The following CACNA2D1 variants were observed in gnomAD, a reference collection of about 807,000 sequenced individuals.
The protein encoded by CACNA2D1 is voltage-dependent calcium channel subunit alpha-2/delta-1.
A neutral mutation model predicts 171.5 loss-of-function variants in CACNA2D1; 53 were observed. The observed-to-expected ratio is 0.31, with a 90% CI of 0.25 to 0.39. The LOEUF (loss-of-function observed/expected upper bound fraction) is 0.39. CACNA2D1 is among the 10% of genes least tolerant of loss of function. The pLI is 1.00. For synonymous variants in CACNA2D1, 442 were observed against 443.1 expected, an observed-to-expected ratio of 1.00 and a Z score of 0.03; for missense variants, 903 against 1,299.8, an observed-to-expected ratio of 0.69 and a Z score of 4.69.
At chr7:82,281,825 A>G (rs1810141310) in intron 3 of CACNA2D1, among the ~76,000 whole-genome samples, 1 of 152,074 alleles carries the variant, frequency 6.6e-6, no homozygotes, top group Admixed American at 6.6e-5. Context: ...AAACTCTCTG[A>G]TTCCATTCTA....
At chr7:82,148,224 G>T (rs1417495279) in intron 4 of CACNA2D1, among the ~76,000 whole-genome samples, 1 of 151,620 alleles carries the variant, frequency 6.6e-6, no homozygotes, top group Non-Finnish European at 1.5e-5. Flanking sequence ...AGTCTTAAAA[G>T]CAAGGCTTGT....
intron 3 of CACNA2D1, among the ~76,000 whole-genome samples, chr7:82,284,632 T>C (rs1399491553): frequency 6.6e-6 from 1 of 152,168 alleles, no homozygotes; most frequent in Non-Finnish European, 1.5e-5. Flanking sequence ...CAGGAGGAGC[T>C]GAAGAGCAAG....
At chr7:81,967,275 T>C (rs1345421416) in intron 30 of CACNA2D1, 68 bp from the exon 31 acceptor site, 2 of 1,195,434 alleles carry the variant, frequency 1.7e-6, no homozygotes, top group Non-Finnish European at 2.5e-6. Flanking sequence ...TATTACCATG[T>C]TATAATTAGA....
intron 1 of CACNA2D1, among the ~76,000 whole-genome samples, chr7:82,411,775 T>G (rs1347748263): frequency 2.0e-5 from 3 of 152,042 alleles, no homozygotes; most frequent in Non-Finnish European, 2.9e-5. Flanking sequence ...AAGGCATTTC[T>G]CGCAATAGGC....
At chr7:82,386,677 G>A (rs1006178628) in intron 1 of CACNA2D1, among the ~76,000 whole-genome samples, 30 of 151,992 alleles carry the variant, frequency 2.0e-4, no homozygotes, top group Middle Eastern at 6.8e-3. Context: ...AGGTTGTGGT[G>A]AGCCGAGATT....
At chr7:82,057,694 A>G (rs1404475566) in intron 10 of CACNA2D1, among the ~76,000 whole-genome samples, 1 of 152,102 alleles carries the variant, frequency 6.6e-6, no homozygotes, top group Non-Finnish European at 1.5e-5. Context: ...GTTGGAGATA[A>G]CTGTGAATGG....
chr7:82,006,869 A>G (rs545805909), intron 16 of CACNA2D1, among the ~76,000 whole-genome samples: 2 of 152,254 alleles, frequency 1.3e-5, no homozygotes, highest in South Asian at 4.1e-4. Flanking sequence ...ATAACTGATC[A>G]AACAATGCTT....
intron 3 of CACNA2D1, among the ~76,000 whole-genome samples, chr7:82,206,216 T>C (rs1799990163): frequency 6.6e-6 from 1 of 152,058 alleles, no homozygotes; most frequent in African/African-American, 2.4e-5. Flanking sequence ...TAACTGCACT[T>C]AGATCATACT....
chr7:82,052,165 CT>C, intron 10 of CACNA2D1, among the ~76,000 whole-genome samples: 1 of 152,208 alleles, frequency 6.6e-6, no homozygotes, highest in East Asian at 1.9e-4. Flanking sequence ...GACCCACATT[CT>C]TTTGGGTATG....
intron 5 of CACNA2D1, among the ~76,000 whole-genome samples, chr7:82,125,399 T>A (rs2129062098): frequency 6.6e-6 from 1 of 152,316 alleles, no homozygotes; most frequent in South Asian, 2.1e-4. Context: ...CTGAGGAATT[T>A]GCTTCACTAA....
chr7:82,044,404 C>A (rs1466319410), intron 10 of CACNA2D1, among the ~76,000 whole-genome samples: 1 of 152,094 alleles, frequency 6.6e-6, no homozygotes, highest in East Asian at 1.9e-4. Flanking sequence ...TTCTCTATTT[C>A]TGGCATGTAA....
rs1440293365 is a variant in CACNA2D1, at chr7:82,443,358, G to A, written c.95+7C>T. The A allele has an allele frequency of 6.3e-7, 1 of 1,594,496 alleles. No homozygotes were observed. The highest frequency in any genetic ancestry group is 8.5e-7 in the Non-Finnish European group (1 of 1,170,180). On this transcript the variant is annotated splice_region_variant and intron_variant, in intron 1 of 38. Coordinates refer to ENST00000356860, the MANE Select transcript of CACNA2D1 (RefSeq NM_000722.4). Reference sequence around the variant, plus strand: ...GCCGGCGCTCCCTGCCCGGCCCGCCGACTTACGTGACGGCCGAAGGGAACG... The same window carrying A: ...GCCGGCGCTCCCTGCCCGGCCCGCCAACTTACGTGACGGCCGAAGGGAACG...
chr7:82,250,935 C>A (rs1031558855), intron 3 of CACNA2D1, among the ~76,000 whole-genome samples: 6 of 152,098 alleles, frequency 3.9e-5, no homozygotes, highest in African/African-American at 1.4e-4. Flanking sequence ...TTTTTAATAA[C>A]CTTTTCCCAT....
At chr7:82,130,010 G>A (rs1420806678) in intron 5 of CACNA2D1, among the ~76,000 whole-genome samples, 1 of 152,100 alleles carries the variant, frequency 6.6e-6, no homozygotes, top group Non-Finnish European at 1.5e-5. Context: ...GTAGGGAAAG[G>A]ATCTCTCTAA....
chr7:82,179,143 A>G (rs1796854449), intron 3 of CACNA2D1, among the ~76,000 whole-genome samples: 1 of 152,144 alleles, frequency 6.6e-6, no homozygotes, highest in Non-Finnish European at 1.5e-5. Flanking sequence ...AAAAAGTAGT[A>G]GAATATGGCT....
rs537090784 is a variant in CACNA2D1 at position 82,064,194 on chromosome 7, CTT to C, written c.779+108_779+109del. 300 of 647,752 alleles carry C rather than the reference CTT, an allele frequency of 4.6e-4. No individual in the cohort carries two copies. The African/African-American group carries it at 5.2e-3, about 11-fold the overall frequency. The allele number at this position is 647,752 out of a possible 1,614,324, so 40.1% of individuals were successfully genotyped here. A position where few individuals can be genotyped will look rare whatever the true frequency, so the allele number is the denominator to read the frequency against. ...GAATATAAAAGTCATCATAATTTTT[CTT>C]TGTTTCTTTTTTAACCTATCAAACC... On this transcript the variant is annotated intron_variant, in intron 9 of 38. Transcript: ENST00000356860.
chr7:81,959,317 T>TCTGGGTTG lies in CACNA2D1; in HGVS notation c.3109_3116dup (p.Arg1039SerfsTer30), dbSNP rs1238719063. ...AGCAGACATCAGGCCCTTTTCGGTA[T>TCTGGGTTG]CTGGGTTGCTTAACCATGTCACAAG... On this transcript the variant is annotated frameshift_variant, in exon 38 of 39. Transcript: ENST00000356860. LOFTEE classifies it high-confidence loss of function. The TCTGGGTTG allele has an allele frequency of 6.2e-7, 1 of 1,611,848 alleles. No individual in the cohort carries two copies.
rs1409323203 is a variant in CACNA2D1, at chr7:81,948,625, C to T, written c.*1767G>A. On this transcript the variant is annotated 3_prime_UTR_variant, in exon 39 of 39. Coordinates refer to ENST00000356860, the MANE Select transcript of CACNA2D1 (RefSeq NM_000722.4). The stretch of plus-strand genomic sequence containing the variant: ...GATATGTGGAGCATATTAAAGCATG[C>T]TGGATAATGTTAATAACTTTGACTT... The T allele has an allele frequency of 2.0e-5, 3 of 151,740 alleles. No individual in the cohort carries two copies. Among genetic ancestry groups the T allele is most frequent in the East Asian group, 1.9e-4 (1 of 5,176 alleles). 9.4% of individuals were successfully genotyped at this position (151,740 alleles called of 1,614,324 possible).
intron 4 of CACNA2D1, among the ~76,000 whole-genome samples, chr7:82,154,484 G>T (rs1309010009): frequency 6.6e-6 from 1 of 151,986 alleles, no homozygotes; most frequent in African/African-American, 2.4e-5. Flanking sequence ...TGTGGTGGGG[G>T]ACAAGGGGAG....
Sources: gnomAD v4.1 joint callset for allele counts (sites outside exome capture counted in the v4.1 genomes callset) on GRCh38, gnomAD v4.1.1 for gene constraint, MANE v1.5 for transcripts, NCBI Gene and HGNC (gene_info 2026-07-23, HGNC 2026-07-21) for gene names.